NCAM2: variants seen among roughly 807,000 people sequenced by gnomAD.
The protein encoded by NCAM2 is N-CAM-2.
In NCAM2, 30 loss-of-function variants were observed where a neutral mutation model predicts 98.1. The ratio of observed to expected loss-of-function variants is 0.31; its 90% CI spans 0.23 to 0.41. The LOEUF is 0.41. Among genes scored for constraint, NCAM2 ranks in the 10% least tolerant of loss-of-function variants. The pLI, the probability that NCAM2 is intolerant of heterozygous loss-of-function variation, is 1.00. For synonymous variants in NCAM2, 368 were observed against 342.4 expected, an observed-to-expected ratio of 1.07 and a Z score of -0.83; for missense variants, 867 against 1,005.8, an observed-to-expected ratio of 0.86 and a Z score of 1.87.
chr21:21,512,915 AT>A (rs1988481940), intron 16 of NCAM2, among the ~76,000 whole-genome samples: 1 of 151,914 alleles, frequency 6.6e-6, no homozygotes, highest in Non-Finnish European at 1.5e-5. Flanking sequence ...AATGTTACTG[AT>A]TATTGTACGT....
chr21:21,208,681 A>C (rs760263958), intron 1 of NCAM2, among the ~76,000 whole-genome samples: 1 of 151,896 alleles, frequency 6.6e-6, no homozygotes, highest in Non-Finnish European at 1.5e-5. Flanking sequence ...TGTAGAGGAG[A>C]CCTTAAGAAA....
chr21:21,278,584 G>C (rs1321982848), intron 1 of NCAM2, among the ~76,000 whole-genome samples: 1 of 151,966 alleles, frequency 6.6e-6, no homozygotes, highest in Admixed American at 6.6e-5. Context: ...AGATATATTT[G>C]AACATTTATT....
rs560370139 is a variant in NCAM2 at position 21,220,718 on chromosome 21, C to G, written c.56-59860C>G. ...CTATGTATTTCATAATTTAATGTGC[C>G]CATGAATCACTTTCTTATTATCGTA... is the stretch of plus-strand genomic sequence containing the variant. On this transcript the variant is annotated intron_variant, in intron 1 of 17. Coordinates refer to ENST00000400546, the MANE Select transcript of NCAM2 (RefSeq NM_004540.5). Among the ~76,000 whole-genome samples, 5 of 152,134 alleles carry G rather than the reference C, an allele frequency of 3.3e-5. No homozygotes were observed. The South Asian group carries it at 1.0e-3, about 32-fold the overall frequency.
chr21:21,442,426 C>G (rs796218909), intron 12 of NCAM2, among the ~76,000 whole-genome samples: 1 of 152,058 alleles, frequency 6.6e-6, no homozygotes, highest in Non-Finnish European at 1.5e-5. Flanking sequence ...CATTTTAGAC[C>G]TAAAATCTCA....
intron 1 of NCAM2, among the ~76,000 whole-genome samples, chr21:21,217,610 GA>G (rs2069959178): frequency 1.3e-5 from 2 of 152,126 alleles, no homozygotes; most frequent in African/African-American, 4.8e-5. Flanking sequence ...GTACTGCTAG[GA>G]AGGGACTTTG....
chr21:21,180,232 CAATT>C (rs532262217), intron 1 of NCAM2, among the ~76,000 whole-genome samples: 75 of 152,220 alleles, frequency 4.9e-4, no homozygotes, highest in Non-Finnish European at 8.5e-4. Flanking sequence ...TCCAATAAAA[CAATT>C]AAATAAAAAA....
At chr21:21,188,831 T>C (rs539365014) in intron 1 of NCAM2, among the ~76,000 whole-genome samples, 2 of 152,348 alleles carry the variant, frequency 1.3e-5, no homozygotes, top group South Asian at 4.1e-4. Flanking sequence ...GAGCTAGATA[T>C]ATTTAATGTG....
intron 16 of NCAM2, among the ~76,000 whole-genome samples, chr21:21,513,415 A>C (rs57241257): frequency 6.6e-6 from 1 of 152,212 alleles, no homozygotes; most frequent in African/African-American, 2.4e-5. Context: ...TTGTTTCAAT[A>C]AATTTTTAAT....
intron 1 of NCAM2, among the ~76,000 whole-genome samples, chr21:21,074,897 T>C (rs997583516): frequency 3.3e-5 from 5 of 152,340 alleles, no homozygotes; most frequent in Admixed American, 3.3e-4. Flanking sequence ...TGTATGTTTA[T>C]TACGGCACTA....
intron 1 of NCAM2, among the ~76,000 whole-genome samples, chr21:21,106,377 G>A (rs192188179): frequency 1.2e-3 from 173 of 145,440 alleles, no homozygotes; most frequent in Non-Finnish European, 2.1e-3. Context: ...TAAATATGAT[G>A]TTTCTTTCTT....
intron 1 of NCAM2, among the ~76,000 whole-genome samples, chr21:21,151,555 T>G (rs940792438): frequency 8.5e-5 from 13 of 152,096 alleles, no homozygotes; most frequent in African/African-American, 3.1e-4. Flanking sequence ...TTCCTGTTAA[T>G]TCTGTCAGGA....
intron 1 of NCAM2, among the ~76,000 whole-genome samples, chr21:21,166,399 G>A (rs2146813286): frequency 6.6e-6 from 1 of 151,722 alleles, no homozygotes; most frequent in East Asian, 1.9e-4. Flanking sequence ...GTGGAGACGG[G>A]GTTTCACCAT....
chr21:21,408,214 G>A (rs1164970687), intron 9 of NCAM2, among the ~76,000 whole-genome samples: 2 of 152,126 alleles, frequency 1.3e-5, no homozygotes, highest in African/African-American at 4.8e-5. Flanking sequence ...GAAGAGTGTG[G>A]AAAGGCTGTG....
chr21:21,521,972 CAT>C (rs1351942653), intron 16 of NCAM2, among the ~76,000 whole-genome samples: 3 of 150,206 alleles, frequency 2.0e-5, no homozygotes, highest in African/African-American at 7.3e-5. Flanking sequence ...ATATATACAT[CAT>C]ATTCAAACTG....
intron 1 of NCAM2, among the ~76,000 whole-genome samples, chr21:20,998,865 G>A (rs1052180916): frequency 6.6e-6 from 1 of 152,104 alleles, no homozygotes; most frequent in Non-Finnish European, 1.5e-5. Context: ...AGGATATCCA[G>A]GGAAACCGCT....
chr21:21,233,823 T>C (rs1370109111), intron 1 of NCAM2, among the ~76,000 whole-genome samples: 1 of 151,728 alleles, frequency 6.6e-6, no homozygotes, highest in Non-Finnish European at 1.5e-5. Context: ...AGAATATCAA[T>C]AAAAATTACC....
intron 16 of NCAM2, among the ~76,000 whole-genome samples, chr21:21,517,778 A>T (rs1372706571): frequency 6.6e-6 from 1 of 152,100 alleles, no homozygotes; most frequent in Admixed American, 6.6e-5. Context: ...GAATCGCTTG[A>T]ACCTGGGGAA....
chr21:21,427,056 C>A (rs961511781), intron 11 of NCAM2, among the ~76,000 whole-genome samples: 1 of 152,084 alleles, frequency 6.6e-6, no homozygotes, highest in Non-Finnish European at 1.5e-5. Flanking sequence ...AACACCACAG[C>A]CTCATATGTG....
intron 4 of NCAM2, 140 bp downstream of exon 4, chr21:21,286,552 C>G: frequency 1.1e-6 from 1 of 919,318 alleles, no homozygotes. Context: ...CCTGTAAGCT[C>G]TACATTAGGA....
Sources: gnomAD v4.1 joint callset for allele counts (sites outside exome capture counted in the v4.1 genomes callset) on GRCh38, gnomAD v4.1.1 for gene constraint, MANE v1.5 for transcripts, NCBI Gene and HGNC (gene_info 2026-07-23, HGNC 2026-07-21) for gene names.